Variants in ODAD2 observed in about 807,000 individuals in gnomAD.
ODAD2 encodes the protein outer dynein arm docking complex subunit 2.
Under a neutral mutation model 106.8 loss-of-function variants are expected in ODAD2, and 89 were observed. The ratio of observed to expected loss-of-function variants is 0.83; its 90% confidence interval spans 0.70 to 0.99. The LOEUF (loss-of-function observed/expected upper bound fraction) is 0.99, where lower values mean the gene tolerates loss of function less well. Ranked by LOEUF, ODAD2 falls within the 50% of genes least tolerant of loss-of-function variation. The pLI, the probability that ODAD2 is intolerant of heterozygous loss-of-function variation, is 0.00. For missense variants in ODAD2, 1,168 were observed against 1,238.5 expected (o/e 0.94, Z 0.85); for synonymous variants, 404 against 436.2 (o/e 0.93, Z 0.92).
intron 2 of ODAD2, among the ~76,000 whole-genome samples, chr10:27,989,555 C>CA (rs1430368932): frequency 2.0e-5 from 3 of 152,176 alleles, no homozygotes; most frequent in African/African-American, 4.8e-5. Context: ...ACAGGCTGAC[C>CA]AAATACCAAA....
intron 17 of ODAD2, among the ~76,000 whole-genome samples, chr10:27,890,689 G>C (rs1842497983): frequency 6.6e-6 from 1 of 151,798 alleles, no homozygotes; most frequent in Non-Finnish European, 1.5e-5. Context: ...TTTCGGCTGT[G>C]CTCTGAAGAC....
At chr10:27,849,819 C>T (rs1405546805) in intron 19 of ODAD2, among the ~76,000 whole-genome samples, 2 of 152,156 alleles carry the variant, frequency 1.3e-5, no homozygotes, top group Non-Finnish European at 2.9e-5. Flanking sequence ...GCAGCATGGC[C>T]AAGTGCAGTA....
At chr10:27,880,482 G>A (rs1167357682) in intron 17 of ODAD2, among the ~76,000 whole-genome samples, 1 of 152,170 alleles carries the variant, frequency 6.6e-6, no homozygotes, top group African/African-American at 2.4e-5. Context: ...AAGTTCAAAT[G>A]CTATGGTTTG....
intron 19 of ODAD2, among the ~76,000 whole-genome samples, chr10:27,817,876 T>C (rs1270260571): frequency 1.3e-5 from 2 of 152,136 alleles, no homozygotes; most frequent in Non-Finnish European, 2.9e-5. Flanking sequence ...CTGGATCAAA[T>C]GGCTGTTTAC....
intron 19 of ODAD2, among the ~76,000 whole-genome samples, chr10:27,832,903 G>T (rs1051993559): frequency 4.6e-5 from 7 of 152,098 alleles, no homozygotes; most frequent in African/African-American, 9.7e-5. Flanking sequence ...ATCATGAAAA[G>T]AATAAGTAAT....
At chr10:27,821,959 G>A (rs775065845) in intron 19 of ODAD2, among the ~76,000 whole-genome samples, 7 of 152,096 alleles carry the variant, frequency 4.6e-5, no homozygotes, top group African/African-American at 1.2e-4. Context: ...TAGCCCCCAC[G>A]CTTTTGAAAA....
intron 19 of ODAD2, among the ~76,000 whole-genome samples, chr10:27,850,135 C>T (rs528266120): frequency 2.0e-5 from 3 of 152,206 alleles, no homozygotes; most frequent in East Asian, 1.9e-4. Flanking sequence ...TCCTCGTCTG[C>T]GAACTGTGTG....
rs1248126911 is a variant in ODAD2 at position 27,971,106 on chromosome 10, A to G, written c.1142+2T>C. Reference sequence around the variant, plus strand: ...TGAAAACAAATGCAAATATCTACATACCCTTTGTAATTAACAGTGGTCTTC... The same window carrying G: ...TGAAAACAAATGCAAATATCTACATGCCCTTTGTAATTAACAGTGGTCTTC... On this transcript the variant is annotated splice_donor_variant, in intron 8 of 19. Transcript: ENST00000305242. LOFTEE classifies it high-confidence loss of function. 1 of 1,609,732 alleles carries G rather than the reference A, an allele frequency of 6.2e-7. No homozygotes were observed. The highest frequency in any genetic ancestry group is 8.5e-7 in the Non-Finnish European group (1 of 1,176,272).
At chr10:27,949,710 T>C (rs977774817) in intron 10 of ODAD2, among the ~76,000 whole-genome samples, 1 of 152,152 alleles carries the variant, frequency 6.6e-6, no homozygotes, top group African/African-American at 2.4e-5. Flanking sequence ...TTTACAATGA[T>C]GTCATTTATA....
At chr10:27,838,301 G>A (rs970177030) in intron 19 of ODAD2, among the ~76,000 whole-genome samples, 7 of 152,150 alleles carry the variant, frequency 4.6e-5, no homozygotes, top group African/African-American at 1.7e-4. Context: ...CTTCTTATAC[G>A]AGAACACTAT....
At chr10:27,993,612 T>C (rs1162902642) in intron 2 of ODAD2, among the ~76,000 whole-genome samples, 1 of 152,032 alleles carries the variant, frequency 6.6e-6, no homozygotes, top group Non-Finnish European at 1.5e-5. Context: ...ATTACACCAC[T>C]GCACTCCAGC....
At chr10:27,829,665 C>T (rs1001598304) in intron 19 of ODAD2, among the ~76,000 whole-genome samples, 1 of 151,946 alleles carries the variant, frequency 6.6e-6, no homozygotes, top group African/African-American at 2.4e-5. Flanking sequence ...TGAAAAAGCC[C>T]CCTAATAATC....
intron 19 of ODAD2, among the ~76,000 whole-genome samples, chr10:27,837,687 A>T (rs998888545): frequency 6.6e-6 from 1 of 152,316 alleles, no homozygotes; most frequent in South Asian, 2.1e-4. Context: ...GAACGACAAA[A>T]TAAACTTTAT....
intron 10 of ODAD2, 71 bp from the exon 11 acceptor site, chr10:27,945,033 G>T (rs1375096616): frequency 2.6e-6 from 4 of 1,551,128 alleles, no homozygotes; most frequent in Non-Finnish European, 3.5e-6. Context: ...AAGTAGTTAC[G>T]AATCCATGAA....
upstream of ODAD2, among the ~76,000 whole-genome samples, chr10:27,999,261 G>A (rs1469872385): frequency 6.6e-6 from 1 of 152,186 alleles, no homozygotes; most frequent in Non-Finnish European, 1.5e-5. Flanking sequence ...TTGCGGGGTC[G>A]GCGGCAAGTT....
chr10:27,903,899 C>T (rs770118021), intron 17 of ODAD2, among the ~76,000 whole-genome samples: 100 of 152,118 alleles, frequency 6.6e-4, no homozygotes, highest in Non-Finnish European at 1.2e-3. Flanking sequence ...ACCAGGGAGA[C>T]CACTGTCCCA....
At position 27,935,125 on chromosome 10, in the gene ODAD2, G is replaced by A. The variant is rs35280610; in HGVS notation, c.2380C>T (p.Arg794Trp). The change falls in exon 16 of 20, where the codon CGG becomes TGG. Residue 794 changes from arginine to tryptophan, a missense_variant. Physicochemically the swap from Arg to Trp is moderately radical, Grantham distance 101. Coordinates refer to ENST00000305242, the MANE Select transcript of ODAD2 (RefSeq NM_018076.5). ...AGTGGTTGAATGCCACCACATTTCC[G>A]GACAATGACTCGGTTTTCACGTTCT... is the stretch of plus-strand genomic sequence containing the variant. ...CQERENRVIVRKCGGIQPLVN... is the reference protein window; with the variant it reads ...CQERENRVIVWKCGGIQPLVN... 8.1e-6 allele frequency: 13 copies of A among 1,613,754 alleles called. No individual in the cohort carries two copies. Among genetic ancestry groups the A allele is most frequent in the African/African-American group, 2.7e-5 (2 of 74,880 alleles).
intron 2 of ODAD2, among the ~76,000 whole-genome samples, chr10:27,993,974 A>ATGTGTGTGTGTGTG (rs56017872): frequency 7.1e-6 from 1 of 140,618 alleles, no homozygotes; most frequent in Non-Finnish European, 1.5e-5. Flanking sequence ...ATATATATAT[A>ATGTGTGTGTGTGTG]TGTGTGTGTG....
chr10:27,986,492 C>T (rs1230571671), intron 3 of ODAD2, among the ~76,000 whole-genome samples: 1 of 152,138 alleles, frequency 6.6e-6, no homozygotes, highest in Non-Finnish European at 1.5e-5. Context: ...TTCAGCTTTA[C>T]TCTTCAAGAC....
Sources: allele counts gnomAD v4.1 joint callset (sites outside exome capture counted in the v4.1 genomes callset), GRCh38; gene constraint gnomAD v4.1.1; transcripts MANE v1.5; gene names NCBI Gene and HGNC (gene_info 2026-07-23, HGNC 2026-07-21).